Variants in IGSF11 observed in about 807,000 individuals in gnomAD.
The protein encoded by IGSF11 is immunoglobulin superfamily member 11.
A neutral mutation model predicts 41.0 loss-of-function variants in IGSF11; 22 were observed. That is an observed-to-expected ratio of 0.54 (90% confidence interval 0.38 to 0.77). The LOEUF is 0.77. Among genes scored for constraint, IGSF11 ranks in the 30% least tolerant of loss-of-function variants. The pLI is 0.00. For synonymous variants in IGSF11, 219 were observed against 201.3 expected, an observed-to-expected ratio of 1.09 and a Z score of -0.74; for missense variants, 444 against 530.8, an observed-to-expected ratio of 0.84 and a Z score of 1.61.
intron 1 of IGSF11, among the ~76,000 whole-genome samples, chr3:119,127,554 C>T (rs2077420633): frequency 6.6e-6 from 1 of 152,054 alleles, no homozygotes; most frequent in Admixed American, 6.5e-5. Context: ...ATACAGAGAA[C>T]ACCATTAAGA....
intron 5 of IGSF11, 39 bp from the exon 6 acceptor site, chr3:118,904,837 AAG>A: frequency 3.2e-6 from 5 of 1,547,038 alleles, no homozygotes; most frequent in South Asian, 1.2e-5. Context: ...AGAAAAGAGA[AAG>A]AGAGAAATAG....
intron 1 of IGSF11, among the ~76,000 whole-genome samples, chr3:119,128,684 C>A (rs2077437461): frequency 6.6e-6 from 1 of 152,056 alleles, no homozygotes; most frequent in African/African-American, 2.4e-5. Flanking sequence ...GGGAACAATT[C>A]AACAAGAAAA....
At chr3:118,903,288 T>C (rs923773719) in intron 6 of IGSF11, among the ~76,000 whole-genome samples, 5 of 152,040 alleles carry the variant, frequency 3.3e-5, no homozygotes, top group African/African-American at 9.7e-5. Flanking sequence ...TATGTTTATA[T>C]ATCATATAGT....
intron 1 of IGSF11, among the ~76,000 whole-genome samples, chr3:118,983,977 G>A (rs1055364445): frequency 3.3e-5 from 5 of 152,026 alleles, no homozygotes; most frequent in African/African-American, 1.2e-4. Context: ...GTAAGTCATG[G>A]TAGGGGGAAG....
intron 1 of IGSF11, among the ~76,000 whole-genome samples, chr3:119,016,556 T>C (rs945972077): frequency 3.3e-5 from 5 of 152,224 alleles, no homozygotes; most frequent in South Asian, 2.1e-4. Flanking sequence ...GTACAGATTA[T>C]ATGCATAACA....
rs143617465 is a variant in IGSF11 at position 119,047,646 on chromosome 3, C to T, written c.49+57498G>A. 1.6e-3 allele frequency among the ~76,000 whole-genome samples: 239 copies of T among 152,174 alleles called. 1 individual carries two copies. The highest frequency in any genetic ancestry group is 4.2e-3 in the African/African-American group (176 of 41,514). ...TGAACTCAGCTCTGCACCAAGAGGA[C>T]GTAATAGACATCTACAGAACTCTCC... On this transcript the variant is annotated intron_variant, in intron 1 of 6. Transcript: ENST00000354673.
chr3:119,114,161 A>T (rs561038461), intron 1 of IGSF11, among the ~76,000 whole-genome samples: 72 of 152,226 alleles, frequency 4.7e-4, no homozygotes, highest in Admixed American at 9.8e-4. Context: ...AAATGCCTTC[A>T]AGGCATTTTC....
At chr3:119,063,765 C>T (rs567097637) in intron 1 of IGSF11, among the ~76,000 whole-genome samples, 13 of 152,116 alleles carry the variant, frequency 8.5e-5, no homozygotes, top group Non-Finnish European at 1.9e-4. Flanking sequence ...TCAGAGGATA[C>T]TACATAGATG....
intron 1 of IGSF11, among the ~76,000 whole-genome samples, chr3:118,988,307 G>A (rs1490758617): frequency 6.6e-6 from 1 of 152,164 alleles, no homozygotes; most frequent in Admixed American, 6.5e-5. Context: ...TAACCCCTGT[G>A]AGGACTAAAA....
In IGSF11 at chr3:118,959,818, C is replaced by T. The variant is rs543718119; in HGVS notation, c.53-29543G>A. On this transcript the variant is annotated intron_variant, in intron 1 of 6. Coordinates refer to ENST00000393775, the MANE Select transcript of IGSF11 (RefSeq NM_001015887.3). Reference sequence around the variant, plus strand: ...AATCCAGCACTTTGGGAGGCCAAGGCGGGCAGATCACGAGGTCAGGAGATC... The same window carrying T: ...AATCCAGCACTTTGGGAGGCCAAGGTGGGCAGATCACGAGGTCAGGAGATC... Among the ~76,000 whole-genome samples, 16 of 152,030 alleles carry T rather than the reference C, an allele frequency of 1.1e-4. No individual in the cohort carries two copies. In the East Asian group the frequency reaches 1.4e-3, roughly 13 times the overall value.
At chr3:118,956,423 T>G (rs1944961491) in intron 1 of IGSF11, among the ~76,000 whole-genome samples, 1 of 152,240 alleles carries the variant, frequency 6.6e-6, no homozygotes, top group South Asian at 2.1e-4. Flanking sequence ...AGCTTAATCA[T>G]GTCTAGCTTT....
rs369703483 is a variant in IGSF11 at position 118,981,371 on chromosome 3, C to T, written c.53-51096G>A. Among the ~76,000 whole-genome samples the T allele has an allele frequency of 9.2e-5, 14 of 152,274 alleles. No homozygotes were observed. The East Asian group carries it at 2.7e-3, about 29-fold the overall frequency. On this transcript the variant is annotated intron_variant, in intron 1 of 6. Transcript: ENST00000393775. ...TTTTTGTAGTAGAGATGGGGTTTCA[C>T]CATGTTGGCTCAAACTCCTGACCTC...
intron 1 of IGSF11, among the ~76,000 whole-genome samples, chr3:119,115,135 G>A (rs181889001): frequency 2.6e-5 from 4 of 152,270 alleles, no homozygotes; most frequent in Non-Finnish European, 5.9e-5. Flanking sequence ...ATTTGGGTGA[G>A]GACACAAATC....
intron 1 of IGSF11, among the ~76,000 whole-genome samples, chr3:118,998,377 C>A (rs1936475346): frequency 6.6e-6 from 1 of 152,018 alleles, no homozygotes; most frequent in Non-Finnish European, 1.5e-5. Context: ...AATCCTGAAA[C>A]TTCAACTCAA....
chr3:118,903,761 T>C (rs1939223163), intron 6 of IGSF11, among the ~76,000 whole-genome samples: 1 of 152,148 alleles, frequency 6.6e-6, no homozygotes, highest in Non-Finnish European at 1.5e-5. Flanking sequence ...AAGAAACCTA[T>C]AGTCAATGAG....
intron 4 of IGSF11, among the ~76,000 whole-genome samples, chr3:118,913,754 T>C (rs1200258857): frequency 6.6e-6 from 1 of 152,018 alleles, no homozygotes; most frequent in Admixed American, 6.6e-5. Context: ...TAAATCTAAA[T>C]AAAACCGTAA....
intron 1 of IGSF11, among the ~76,000 whole-genome samples, chr3:119,138,800 TG>T (rs2077599119): frequency 6.6e-6 from 1 of 152,174 alleles, no homozygotes; most frequent in African/African-American, 2.4e-5. Context: ...CTCGCTTATT[TG>T]TGGGAGCTAG....
chr3:118,908,454 C>G (rs985420908), intron 4 of IGSF11, among the ~76,000 whole-genome samples: 5 of 152,200 alleles, frequency 3.3e-5, no homozygotes, highest in African/African-American at 1.2e-4. Flanking sequence ...GAGAGCAACT[C>G]CAGCAAACAG....
At chr3:119,082,332 A>T (rs1197981754) in intron 1 of IGSF11, among the ~76,000 whole-genome samples, 1 of 152,190 alleles carries the variant, frequency 6.6e-6, no homozygotes, top group Non-Finnish European at 1.5e-5. Flanking sequence ...TTGGCCAGAA[A>T]TCTGGCTCTG....
Sources: gnomAD v4.1 joint callset for allele counts (sites outside exome capture counted in the v4.1 genomes callset) on GRCh38, gnomAD v4.1.1 for gene constraint, MANE v1.5 for transcripts, NCBI Gene and HGNC (gene_info 2026-07-23, HGNC 2026-07-21) for gene names.